CERKL: variants seen among roughly 807,000 people sequenced by gnomAD.
CERKL encodes the protein ceramide kinase-like protein.
A neutral mutation model predicts 63.4 loss-of-function variants in CERKL; 61 were observed. That is an observed-to-expected ratio of 0.96 (90% confidence interval 0.78 to 1.19). The LOEUF is 1.19. Among genes scored for constraint, CERKL ranks in the 50% most tolerant of loss-of-function variants. CERKL has a pLI of 0.00. For synonymous variants in CERKL, 250 were observed against 230.5 expected, an observed-to-expected ratio of 1.08 and a Z score of -0.77; for missense variants, 675 against 655.5, an observed-to-expected ratio of 1.03 and a Z score of -0.33.
chr2:181,632,812 C>G (rs61513211), intron 1 of CERKL, among the ~76,000 whole-genome samples: 36,033 of 151,996 alleles, frequency 0.24, 7,489 homozygotes, highest in African/African-American at 0.56. Context: ...AGCTACAACT[C>G]AAAGTAAATG....
intron 4 of CERKL, among the ~76,000 whole-genome samples, chr2:181,563,193 T>A (rs6706370): frequency 0.25 from 38,295 of 151,980 alleles, 5,186 homozygotes; most frequent in African/African-American, 0.35. Context: ...TCTGAAGCTC[T>A]CATAAGGTTT....
At chr2:181,592,305 C>T (rs966646187) in intron 2 of CERKL, among the ~76,000 whole-genome samples, 1 of 152,158 alleles carries the variant, frequency 6.6e-6, no homozygotes, top group African/African-American at 2.4e-5. Flanking sequence ...TCAACTGTTA[C>T]TTACAGACAT....
At position 181,538,258 on chromosome 2, in the gene CERKL, A is replaced by G; in HGVS notation, c.1539-14T>C. ...CTTGGATGCAATCTGTAAAGAAAAT[A>G]CATTATTTCATCAACTTATTTTGTT... On this transcript the variant is annotated splice_polypyrimidine_tract_variant and intron_variant, in intron 12 of 12. Transcript: ENST00000410087. 1 of 1,509,946 alleles carries G rather than the reference A, an allele frequency of 6.6e-7. No individual in the cohort carries two copies. The highest frequency in any genetic ancestry group is 9.2e-7 in the Non-Finnish European group (1 of 1,086,878). 93.5% of individuals were successfully genotyped at this position (1,509,946 alleles called of 1,614,324 possible). A position where few individuals can be genotyped will look rare whatever the true frequency, so the allele number is the denominator to read the frequency against.
chr2:181,597,797 T>C (rs1685282434), intron 2 of CERKL, among the ~76,000 whole-genome samples: 1 of 152,098 alleles, frequency 6.6e-6, no homozygotes, highest in Non-Finnish European at 1.5e-5. Flanking sequence ...CCAGCAAACA[T>C]ACCTCATAAC....
chr2:181,633,913 T>C (rs1687069084), intron 1 of CERKL, among the ~76,000 whole-genome samples: 1 of 152,138 alleles, frequency 6.6e-6, no homozygotes, highest in Non-Finnish European at 1.5e-5. Context: ...TGACCAAGGA[T>C]ACACCACAAC....
intron 5 of CERKL, among the ~76,000 whole-genome samples, chr2:181,551,116 G>C (rs756025534): frequency 6.6e-6 from 1 of 151,760 alleles, no homozygotes; most frequent in African/African-American, 2.4e-5. Flanking sequence ...AATTAGGCAA[G>C]AGAAAGAAAT....
intron 1 of CERKL, among the ~76,000 whole-genome samples, chr2:181,615,422 C>T (rs1686149336): frequency 6.6e-6 from 1 of 152,240 alleles, no homozygotes; most frequent in African/African-American, 2.4e-5. Flanking sequence ...AATCTTGGCA[C>T]ATCTGTCTGA....
chr2:181,597,476 A>G (rs1209983239), intron 2 of CERKL, among the ~76,000 whole-genome samples: 2 of 152,196 alleles, frequency 1.3e-5, no homozygotes, highest in Non-Finnish European at 1.5e-5. Flanking sequence ...AAACTGGGGA[A>G]AGAGAGCCAG....
intron 8 of CERKL, chr2:181,548,293 G>A: frequency 7.3e-6 from 4 of 544,438 alleles, no homozygotes; most frequent in South Asian, 4.9e-5. Context: ...AAGGGGAAGG[G>A]AAGGGAAAAA....
chr2:181,564,203 T>G (rs1288195563), intron 4 of CERKL, among the ~76,000 whole-genome samples: 1 of 152,118 alleles, frequency 6.6e-6, no homozygotes, highest in Non-Finnish European at 1.5e-5. Flanking sequence ...CTCCTGCCAC[T>G]CACCTCCTAC....
chr2:181,642,829 C>T (rs533454999), intron 1 of CERKL, among the ~76,000 whole-genome samples: 5 of 152,066 alleles, frequency 3.3e-5, no homozygotes, highest in Admixed American at 6.5e-5. Context: ...TACAGAGAAA[C>T]GAATGAAGAA....
At chr2:181,629,662 A>G (rs776128109) in intron 1 of CERKL, among the ~76,000 whole-genome samples, 5 of 151,702 alleles carry the variant, frequency 3.3e-5, no homozygotes, top group African/African-American at 4.8e-5. Flanking sequence ...TTATGAATTC[A>G]TACTTTCAGA....
intron 3 of CERKL, among the ~76,000 whole-genome samples, chr2:181,572,101 A>G (rs1335033281): frequency 6.6e-6 from 1 of 152,058 alleles, no homozygotes; most frequent in Non-Finnish European, 1.5e-5. Flanking sequence ...TCTCTCACAT[A>G]CACACACTCT....
chr2:181,555,327 T>C (rs1054463789), intron 5 of CERKL, among the ~76,000 whole-genome samples: 2 of 152,112 alleles, frequency 1.3e-5, no homozygotes, highest in African/African-American at 4.8e-5. Flanking sequence ...TCAGAACTAC[T>C]AAAGTAAAGC....
At position 181,558,543 on chromosome 2, in the gene CERKL, T is replaced by C. The variant is rs368210950; in HGVS notation, c.820+23A>G. On this transcript the variant is annotated intron_variant, in intron 5 of 12. Coordinates refer to ENST00000410087, the MANE Select transcript of CERKL (RefSeq NM_201548.5). This position sits in a 1 kb window ranked among gnomAD's most constrained non-coding sequence, Gnocchi z 4.2. ...AAAAGAGGGAGAAGGGTCAGTTTAA[T>C]GAATCTGTAGCCACTCCCTTGCCTG... 5 of 1,612,228 alleles carry C rather than the reference T, an allele frequency of 3.1e-6. No individual in the cohort carries two copies. Among genetic ancestry groups the C allele is most frequent in the Non-Finnish European group, 4.2e-6 (5 of 1,179,148 alleles).
chr2:181,574,029 T>C, intron 2 of CERKL, 145 bp from the exon 3 acceptor site: 2 of 738,032 alleles, frequency 2.7e-6, no homozygotes, highest in Non-Finnish European at 4.4e-6. Context: ...TGCAAGAGTA[T>C]TCTGAATATA....
At chr2:181,623,631 G>T (rs561796562) in intron 1 of CERKL, among the ~76,000 whole-genome samples, 2 of 152,246 alleles carry the variant, frequency 1.3e-5, no homozygotes, top group South Asian at 4.1e-4. Context: ...GATCTTCCTT[G>T]ACTACCCAAT....
intron 3 of CERKL, 111 bp from the exon 4 acceptor site, chr2:181,566,232 C>A: frequency 1.3e-6 from 1 of 798,674 alleles, no homozygotes. Context: ...AGTCATAAAA[C>A]AGCATTTATT....
At chr2:181,624,710 TTTG>T (rs36013226) in intron 1 of CERKL, among the ~76,000 whole-genome samples, 21,292 of 151,976 alleles carry the variant, frequency 0.14, 1,654 homozygotes, top group East Asian at 0.22. Context: ...GGCAACAGGA[TTTG>T]TTGATAGGTT....
Sources: allele counts gnomAD v4.1 joint callset (sites outside exome capture counted in the v4.1 genomes callset), GRCh38; gene constraint gnomAD v4.1.1; non-coding constraint Gnocchi (gnomAD v3.1); transcripts MANE v1.5; gene names NCBI Gene and HGNC (gene_info 2026-07-23, HGNC 2026-07-21).